Variants in ZBTB7C observed in about 807,000 individuals in gnomAD.
ZBTB7C encodes zinc finger and BTB domain-containing protein 7C.
A neutral mutation model predicts 25.7 loss-of-function variants in ZBTB7C; 8 were observed. That is an observed-to-expected ratio of 0.31 (90% CI 0.18 to 0.56). The LOEUF (loss-of-function observed/expected upper bound fraction) is 0.56. Among genes scored for constraint, ZBTB7C ranks in the 20% least tolerant of loss-of-function variants. The pLI, the probability that ZBTB7C is intolerant of heterozygous loss-of-function variation, is 0.91. For missense variants in ZBTB7C, 824 were observed against 855.2 expected, an observed-to-expected ratio of 0.96 and a Z score of 0.46; for synonymous variants, 394 against 369.0, an observed-to-expected ratio of 1.07 and a Z score of -0.78.
intron 1 of ZBTB7C, among the ~76,000 whole-genome samples, chr18:48,388,344 T>C (rs2047798468): frequency 6.6e-6 from 1 of 152,152 alleles, no homozygotes; most frequent in African/African-American, 2.4e-5. Context: ...TCAATGGACA[T>C]TCATCTCTTC....
At chr18:48,054,407 G>A (rs1160363576) in intron 3 of ZBTB7C, among the ~76,000 whole-genome samples, 5 of 152,268 alleles carry the variant, frequency 3.3e-5, no homozygotes, top group Admixed American at 6.5e-5. Context: ...AGGAGCTGCC[G>A]TGGGGGGTGG....
At chr18:48,215,652 C>T (rs762876256) in intron 2 of ZBTB7C, among the ~76,000 whole-genome samples, 2 of 152,130 alleles carry the variant, frequency 1.3e-5, no homozygotes, top group Non-Finnish European at 2.9e-5. Flanking sequence ...GTAGATGAAG[C>T]CTCATAAATG....
At chr18:48,373,026 C>A (rs2047424299) in intron 1 of ZBTB7C, among the ~76,000 whole-genome samples, 1 of 152,116 alleles carries the variant, frequency 6.6e-6, no homozygotes, top group African/African-American at 2.4e-5. Flanking sequence ...TTTTGTTTTA[C>A]TTTTCTGTGT....
At chr18:48,305,396 T>C (rs1243927292) in intron 2 of ZBTB7C, among the ~76,000 whole-genome samples, 1 of 152,036 alleles carries the variant, frequency 6.6e-6, no homozygotes, top group Non-Finnish European at 1.5e-5. Context: ...GGACCTGGAG[T>C]TGGGCTTTGC....
At chr18:48,230,536 C>T (rs2043223210) in intron 2 of ZBTB7C, among the ~76,000 whole-genome samples, 2 of 152,196 alleles carry the variant, frequency 1.3e-5, no homozygotes, top group Non-Finnish European at 2.9e-5. Context: ...GCTCCCATGC[C>T]TGGGACAGAT....
At chr18:48,293,046 G>A (rs899647022) in intron 2 of ZBTB7C, among the ~76,000 whole-genome samples, 5 of 152,156 alleles carry the variant, frequency 3.3e-5, no homozygotes, top group Admixed American at 6.5e-5. Context: ...TTCTGCATTG[G>A]CACAATGTCC....
At chr18:48,103,355 A>G (rs967246251) in intron 3 of ZBTB7C, among the ~76,000 whole-genome samples, 2 of 152,108 alleles carry the variant, frequency 1.3e-5, no homozygotes, top group African/African-American at 4.8e-5. Flanking sequence ...AGAGAAAAGA[A>G]GGCTTAGGGA....
chr18:48,055,351 A>G (rs2036869245), intron 3 of ZBTB7C, among the ~76,000 whole-genome samples: 1 of 146,510 alleles, frequency 6.8e-6, no homozygotes, highest in Admixed American at 6.9e-5. Context: ...CAGAGGTTGC[A>G]GTGAGCTGAG....
At chr18:48,282,139 T>G (rs541190503) in intron 2 of ZBTB7C, among the ~76,000 whole-genome samples, 1 of 150,816 alleles carries the variant, frequency 6.6e-6, no homozygotes, top group South Asian at 2.1e-4. Flanking sequence ...CCATAAAAAA[T>G]GATGAGTTCA....
rs552217152 is a variant in ZBTB7C, at chr18:48,107,636, C to T, written c.-16-66513G>A. 7.2e-5 allele frequency among the ~76,000 whole-genome samples: 11 copies of T among 152,200 alleles called. No homozygotes were observed. The East Asian group carries it at 1.4e-3, about 19-fold the overall frequency. Reference sequence around the variant, plus strand: ...CAGAGGTGGCCTCTGGGAGGAGAACCCGGTAGTGGGCGGGGCAGGGCCGGC... The same window carrying T: ...CAGAGGTGGCCTCTGGGAGGAGAACTCGGTAGTGGGCGGGGCAGGGCCGGC... On this transcript the variant is annotated intron_variant, in intron 3 of 4. Coordinates refer to ENST00000590800, the MANE Select transcript of ZBTB7C (RefSeq NM_001318841.2).
chr18:48,347,100 T>C (rs1264597520), intron 1 of ZBTB7C, among the ~76,000 whole-genome samples: 3 of 148,858 alleles, frequency 2.0e-5, no homozygotes, highest in East Asian at 2.0e-4. Flanking sequence ...CCCTTTTCTA[T>C]AGAGTGATTC....
At chr18:48,310,778 G>A (rs73955791) in intron 2 of ZBTB7C, among the ~76,000 whole-genome samples, 3,183 of 152,298 alleles carry the variant, frequency 0.021, 107 homozygotes, top group African/African-American at 0.071. Flanking sequence ...TGAGATGGGG[G>A]CATATTTCAC....
At chr18:48,382,564 C>T (rs921483591) in intron 1 of ZBTB7C, among the ~76,000 whole-genome samples, 4 of 152,216 alleles carry the variant, frequency 2.6e-5, no homozygotes, top group Non-Finnish European at 2.9e-5. Flanking sequence ...CTCCTTCCTA[C>T]ATAAGAGAAA....
chr18:48,403,728 C>T (rs1018602066), intron 1 of ZBTB7C, among the ~76,000 whole-genome samples: 3 of 152,092 alleles, frequency 2.0e-5, no homozygotes, highest in Non-Finnish European at 2.9e-5. Flanking sequence ...GTACAGTGTA[C>T]GCTGCTCAGG....
rs138972090 is a variant in ZBTB7C at position 48,136,250 on chromosome 18, G to T, written c.-17+49684C>A. ...GGACGCACGGGGTCAGTCCTTTTGC[G>T]CCACCCACACCGGGCCGTCTCCGGA... On this transcript the variant is annotated intron_variant, in intron 3 of 4. Transcript: ENST00000590800. 7.1e-3 allele frequency among the ~76,000 whole-genome samples: 1,084 copies of T among 152,234 alleles called. 8 individuals carry two copies. Among genetic ancestry groups the T allele is most frequent in the Non-Finnish European group, 0.01 (710 of 67,994 alleles).
At chr18:48,243,686 T>C (rs1018016300) in intron 2 of ZBTB7C, among the ~76,000 whole-genome samples, 13 of 152,150 alleles carry the variant, frequency 8.5e-5, no homozygotes, top group African/African-American at 2.9e-4. Context: ...CCAAAATTCA[T>C]ATGGAACTAA....
chr18:48,115,946 G>A (rs1341174418), intron 3 of ZBTB7C, among the ~76,000 whole-genome samples: 3 of 152,074 alleles, frequency 2.0e-5, no homozygotes, highest in African/African-American at 7.2e-5. Context: ...AGTACTTTGA[G>A]TCACTATTTA....
chr18:48,161,688 GCTGCCCGGCCCGGCC>G (rs2041043122), intron 3 of ZBTB7C, among the ~76,000 whole-genome samples: 2 of 150,968 alleles, frequency 1.3e-5, no homozygotes, highest in South Asian at 2.1e-4. Flanking sequence ...CGTTCACTCG[GCTGCCCGGCCCGGCC>G]CGGCCCGGGC....
At chr18:48,404,434 C>T (rs191232789) in intron 1 of ZBTB7C, among the ~76,000 whole-genome samples, 236 of 152,294 alleles carry the variant, frequency 1.5e-3, no homozygotes, top group African/African-American at 5.2e-3. Flanking sequence ...AGGTCAGAGA[C>T]GCAGACAGGG....
Sources: allele counts gnomAD v4.1 joint callset (sites outside exome capture counted in the v4.1 genomes callset), GRCh38; gene constraint gnomAD v4.1.1; transcripts MANE v1.5; gene names NCBI Gene and HGNC (gene_info 2026-07-23, HGNC 2026-07-21).